The following ZMYND12 variants were observed in gnomAD, a reference collection of about 807,000 sequenced individuals.
ZMYND12 encodes the protein zinc finger MYND-type containing 12.
ZMYND12 carries 32 observed loss-of-function variants against 41.7 expected under a neutral mutation model. The ratio of observed to expected loss-of-function variants is 0.77; its 90% CI spans 0.58 to 1.03. The LOEUF (loss-of-function observed/expected upper bound fraction) is 1.03, where lower values mean the gene tolerates loss of function less well. Ranked by LOEUF, ZMYND12 falls within the 50% of genes least tolerant of loss-of-function variation. The probability of loss-of-function intolerance (pLI) is 0.00; values close to 1 mark genes in which losing one functional copy is unlikely to be tolerated. For synonymous variants in ZMYND12, 148 were observed against 164.8 expected, an observed-to-expected ratio of 0.90 and a Z score of 0.78; for missense variants, 424 against 438.5, an observed-to-expected ratio of 0.97 and a Z score of 0.30.
chr1:42,448,824 G>T lies in ZMYND12; in HGVS notation c.253-186C>A, dbSNP rs368203574. ...TAAGAAAGCAAACTCTGGACTATGA[G>T]TTCCTTAAGGCCCAGGAACATGTGT... On this transcript the variant is annotated intron_variant, in intron 2 of 7. Coordinates refer to ENST00000372565, the MANE Select transcript of ZMYND12 (RefSeq NM_032257.5). Among the ~76,000 whole-genome samples the T allele has an allele frequency of 8.5e-5, 13 of 152,306 alleles. 1 individual carries two copies. The East Asian group carries it at 1.5e-3, about 18-fold the overall frequency.
rs1642909731 is a variant in ZMYND12 at position 42,436,518 on chromosome 1, C to T, written c.620G>A (p.Gly207Glu). 6.2e-7 allele frequency: 1 copy of T among 1,613,248 alleles called. No individual in the cohort carries two copies. The change falls in exon 5 of 8, where the codon GGA becomes GAA. Residue 207 changes from glycine (G) to glutamate (E), a missense_variant. Transcript: ENST00000372565. ...TCCTGAAGTCCTAATGTCCTCTGTT[C>T]CAAATGCACAACTGGCAAAATAAAT... The part of the protein sequence containing the change: ...NDIYFASCAF[G>E]TEDIRTSGGY...
chr1:42,439,908 AG>A lies in ZMYND12; in HGVS notation c.541del (p.Leu181SerfsTer3). 1 of 1,614,188 alleles carries A rather than the reference AG, an allele frequency of 6.2e-7. No individual in the cohort carries two copies. The highest frequency in any genetic ancestry group is 8.5e-7 in the Non-Finnish European group (1 of 1,180,038). On this transcript the variant is annotated frameshift_variant, in exon 4 of 8. Coordinates refer to ENST00000372565, the MANE Select transcript of ZMYND12 (RefSeq NM_032257.5). LOFTEE classifies it high-confidence loss of function. ...HSLLHRNLGL[L>X]YIAKKNYEEA... ...TTCATAGTTTTTCTTAGCTATATAG[AG>A]AAGTCCCAGATTCCGATGCAGTAAA...
intron 1 of ZMYND12, among the ~76,000 whole-genome samples, chr1:42,451,498 G>T (rs1557771633): frequency 6.6e-6 from 1 of 152,048 alleles, no homozygotes; most frequent in Non-Finnish European, 1.5e-5. Context: ...TTCTGTAAAG[G>T]GTCAGATAAA....
chr1:42,434,263 C>T (rs777432647), intron 6 of ZMYND12, among the ~76,000 whole-genome samples: 1 of 152,192 alleles, frequency 6.6e-6, no homozygotes, highest in Non-Finnish European at 1.5e-5. Flanking sequence ...CGGTACTATT[C>T]AACACTTAGC....
intron 7 of ZMYND12, 121 bp from the exon 8 acceptor site, chr1:42,430,979 CT>C: frequency 7.3e-7 from 1 of 1,364,410 alleles, no homozygotes; most frequent in Non-Finnish European, 1.0e-6. Flanking sequence ...ACACCACCCA[CT>C]GAGCTCTTGT....
chr1:42,432,060 C>CTTTTTTTTT (rs111394001), intron 7 of ZMYND12, among the ~76,000 whole-genome samples: 14 of 132,962 alleles, frequency 1.1e-4, no homozygotes, highest in East Asian at 2.1e-4. Context: ...TTTTCTTTTT[C>CTTTTTTTTT]TTTTTTTTTT....
At chr1:42,434,927 G>A (rs952900581) in intron 6 of ZMYND12, among the ~76,000 whole-genome samples, 12 of 151,934 alleles carry the variant, frequency 7.9e-5, no homozygotes, top group Admixed American at 3.3e-4. Context: ...TCCATGAAAC[G>A]GGTCCCTGGT....
intron 6 of ZMYND12, among the ~76,000 whole-genome samples, chr1:42,433,631 C>G (rs1304018922): frequency 6.6e-6 from 1 of 152,214 alleles, no homozygotes; most frequent in Non-Finnish European, 1.5e-5. Context: ...CACAGATAAT[C>G]TGCCACAGGC....
chr1:42,436,893 G>A (rs1642914081), intron 4 of ZMYND12, among the ~76,000 whole-genome samples: 1 of 151,938 alleles, frequency 6.6e-6, no homozygotes. Context: ...CAGCCTCTGT[G>A]GAAACAGTTT....
chr1:42,439,492 C>A (rs1294926987), intron 4 of ZMYND12, among the ~76,000 whole-genome samples: 3 of 152,142 alleles, frequency 2.0e-5, no homozygotes, highest in Non-Finnish European at 4.4e-5. Flanking sequence ...TCTCAATCTC[C>A]TGACCTCGTG....
chr1:42,446,635 G>A (rs561381877), intron 3 of ZMYND12, among the ~76,000 whole-genome samples: 7 of 144,786 alleles, frequency 4.8e-5, no homozygotes, highest in African/African-American at 1.0e-4. Flanking sequence ...CTGGGTGACA[G>A]AGTGAGACTC....
At chr1:42,441,629 T>G (rs1318292581) in intron 3 of ZMYND12, among the ~76,000 whole-genome samples, 1 of 152,124 alleles carries the variant, frequency 6.6e-6, no homozygotes, top group African/African-American at 2.4e-5. Context: ...TTGTTTTGTT[T>G]TGTTTTTTTG....
Position 42,433,002 on chromosome 1 carries a change from C to G in ZMYND12, c.975+141G>C, listed in dbSNP as rs544026827. 3.9e-6 allele frequency: 4 copies of G among 1,030,528 alleles called. No individual in the cohort carries two copies. In the Admixed American group the frequency reaches 7.2e-5, roughly 19 times the overall value. 63.8% of individuals were successfully genotyped at this position (1,030,528 alleles called of 1,614,324 possible). A position where few individuals can be genotyped will look rare whatever the true frequency, so the allele number is the denominator to read the frequency against. On this transcript the variant is annotated intron_variant, in intron 7 of 7. Transcript: ENST00000372565. ...GCTAGACTCAACACAGGAGAAACAT[C>G]GTGAGCATCTGAACCTCTTTGGAGT... is the stretch of plus-strand genomic sequence containing the variant.
intron 1 of ZMYND12, among the ~76,000 whole-genome samples, chr1:42,452,219 G>T (rs1643090307): frequency 6.6e-6 from 1 of 152,026 alleles, no homozygotes; most frequent in Non-Finnish European, 1.5e-5. Context: ...GACATATGAA[G>T]CGCAAATTTA....
intron 3 of ZMYND12, among the ~76,000 whole-genome samples, chr1:42,440,544 G>A (rs1642958002): frequency 6.6e-6 from 1 of 152,164 alleles, no homozygotes; most frequent in South Asian, 2.1e-4. Context: ...GCACTAAGAG[G>A]GAGTAACTGC....
intron 4 of ZMYND12, 72 bp from the exon 5 acceptor site, chr1:42,436,615 C>G: frequency 6.5e-7 from 1 of 1,536,088 alleles, no homozygotes. Flanking sequence ...GGACTTGTAT[C>G]TAGAATACAT....
chr1:42,432,537 T>G (rs10399812), intron 7 of ZMYND12, among the ~76,000 whole-genome samples: 20,622 of 152,172 alleles, frequency 0.14, 1,498 homozygotes, highest in East Asian at 0.22. Context: ...AATGTTTGAA[T>G]GAATGAGAGA....
chr1:42,443,872 T>C (rs12131762), intron 3 of ZMYND12, among the ~76,000 whole-genome samples: 36,871 of 151,896 alleles, frequency 0.24, 5,189 homozygotes, highest in Non-Finnish European at 0.31. Context: ...AGGCATACAA[T>C]AAATAGACAA....
intron 1 of ZMYND12, among the ~76,000 whole-genome samples, chr1:42,451,783 T>C (rs1569576480): frequency 6.6e-6 from 1 of 152,182 alleles, no homozygotes; most frequent in African/African-American, 2.4e-5. Flanking sequence ...TATAGCTGAG[T>C]TCCACAGGGA....
Sources: allele counts gnomAD v4.1 joint callset (sites outside exome capture counted in the v4.1 genomes callset), GRCh38; gene constraint gnomAD v4.1.1; transcripts MANE v1.5; gene names NCBI Gene and HGNC (gene_info 2026-07-23, HGNC 2026-07-21).